The following SLC14A2 variants were observed in gnomAD, a reference collection of about 807,000 sequenced individuals.
The protein encoded by SLC14A2 is solute carrier family 14 member 2.
A neutral mutation model predicts 104.6 loss-of-function variants in SLC14A2; 91 were observed. The ratio of observed to expected loss-of-function variants is 0.87; its 90% CI spans 0.73 to 1.04. SLC14A2 has a LOEUF of 1.04. Among genes scored for constraint, SLC14A2 ranks in the 50% least tolerant of loss-of-function variants. SLC14A2 has a pLI of 0.00. For synonymous variants in SLC14A2, 476 were observed against 466.4 expected (o/e 1.02, Z -0.27); for missense variants, 1,189 against 1,156.0 (o/e 1.03, Z -0.41).
chr18:45,347,727 G>A (rs780010521), intron 1 of SLC14A2, among the ~76,000 whole-genome samples: 5 of 151,840 alleles, frequency 3.3e-5, no homozygotes, highest in Non-Finnish European at 7.4e-5. Flanking sequence ...CTTTTTCTTT[G>A]ATCTCCCTTT....
At chr18:45,381,416 T>C (rs540186290) in intron 1 of SLC14A2, among the ~76,000 whole-genome samples, 1 of 152,366 alleles carries the variant, frequency 6.6e-6, no homozygotes, top group African/African-American at 2.4e-5. Flanking sequence ...GGACGACCTC[T>C]TGAACTTATT....
chr18:45,432,043 A>G (rs1424941840), intron 1 of SLC14A2, among the ~76,000 whole-genome samples: 3 of 152,194 alleles, frequency 2.0e-5, no homozygotes, highest in Admixed American at 6.5e-5. Context: ...AACTGAGCGC[A>G]GGGCTTCACT....
chr18:45,502,022 G>A (rs2043206696), intron 2 of SLC14A2, among the ~76,000 whole-genome samples: 1 of 152,188 alleles, frequency 6.6e-6, no homozygotes, highest in Admixed American at 6.5e-5. Context: ...ACAGGGCTTA[G>A]AGGAGCATAG....
intron 1 of SLC14A2, among the ~76,000 whole-genome samples, chr18:45,237,439 C>A (rs748500197): frequency 6.6e-6 from 1 of 152,186 alleles, no homozygotes; most frequent in Non-Finnish European, 1.5e-5. Flanking sequence ...AGCACTCAGC[C>A]TTCCTTTCCA....
intron 6 of SLC14A2, among the ~76,000 whole-genome samples, chr18:45,638,818 G>T (rs1168959643): frequency 1.3e-5 from 2 of 152,204 alleles, no homozygotes; most frequent in African/African-American, 4.8e-5. Context: ...TACAGACGAG[G>T]ATGTGACATG....
At chr18:45,656,681 T>C (rs16978437) in intron 10 of SLC14A2, among the ~76,000 whole-genome samples, 5,289 of 152,266 alleles carry the variant, frequency 0.035, 278 homozygotes, top group African/African-American at 0.12. Flanking sequence ...CTCTGACCTT[T>C]GTACTCTCTT....
intron 2 of SLC14A2, among the ~76,000 whole-genome samples, chr18:45,519,486 C>CCCATGCCCA (rs1385117752): frequency 6.6e-6 from 1 of 152,172 alleles, no homozygotes; most frequent in African/African-American, 2.4e-5. Flanking sequence ...CTTCAGCACC[C>CCCATGCCCA]CCATGCCCAT....
At chr18:45,594,882 G>A (rs1037989325) in intron 2 of SLC14A2, among the ~76,000 whole-genome samples, 16 of 152,076 alleles carry the variant, frequency 1.1e-4, no homozygotes, top group Non-Finnish European at 2.1e-4. Context: ...CACCCTGGTC[G>A]GAACAGAATC....
chr18:45,346,813 T>C (rs2085452685), intron 1 of SLC14A2, among the ~76,000 whole-genome samples: 1 of 151,858 alleles, frequency 6.6e-6, no homozygotes, highest in Admixed American at 6.6e-5. Context: ...AACACAACAG[T>C]TAGCCTGGCG....
intron 2 of SLC14A2, among the ~76,000 whole-genome samples, chr18:45,546,782 A>T (rs2043976877): frequency 6.6e-6 from 1 of 152,174 alleles, no homozygotes; most frequent in Non-Finnish European, 1.5e-5. Flanking sequence ...ATGCAGAAAA[A>T]AATATATATA....
chr18:45,672,665 A>G (rs1349186721), intron 16 of SLC14A2, among the ~76,000 whole-genome samples: 1 of 152,208 alleles, frequency 6.6e-6, no homozygotes. Context: ...CCTCACGCTC[A>G]TATTTCTAAA....
Position 45,678,442 on chromosome 18 carries a change from T to A in SLC14A2, c.2513-533T>A, listed in dbSNP as rs530387803. Among the ~76,000 whole-genome samples the A allele has an allele frequency of 3.3e-5, 5 of 152,268 alleles. No individual in the cohort carries two copies. The South Asian group carries it at 1.0e-3, about 32-fold the overall frequency. On this transcript the variant is annotated intron_variant, in intron 18 of 19. Coordinates refer to ENST00000255226, the MANE Select transcript of SLC14A2 (RefSeq NM_007163.4). ...GCAAAGGCCAATTACACTAGTACAT[T>A]TTAATAGCTTCTCCCCTGTTGCCAG... is the stretch of plus-strand genomic sequence containing the variant.
intron 2 of SLC14A2, among the ~76,000 whole-genome samples, chr18:45,502,198 A>G (rs1389859276): frequency 6.6e-6 from 1 of 152,188 alleles, no homozygotes; most frequent in Non-Finnish European, 1.5e-5. Context: ...ATATGGGAAG[A>G]TTAGGGGTGG....
At chr18:45,362,587 T>C (rs767314981) in intron 1 of SLC14A2, among the ~76,000 whole-genome samples, 3 of 152,202 alleles carry the variant, frequency 2.0e-5, no homozygotes, top group Non-Finnish European at 4.4e-5. Flanking sequence ...AGACTCATTC[T>C]CTTTGGGTCT....
intron 1 of SLC14A2, among the ~76,000 whole-genome samples, chr18:45,456,714 A>C (rs2086949508): frequency 6.6e-6 from 1 of 150,760 alleles, no homozygotes; most frequent in South Asian, 2.1e-4. Flanking sequence ...ATTAACCTTG[A>C]GAGAGTGGTG....
chr18:45,660,701 A>C (rs1480664806), intron 10 of SLC14A2, among the ~76,000 whole-genome samples: 1 of 152,196 alleles, frequency 6.6e-6, no homozygotes, highest in African/African-American at 2.4e-5. Context: ...TCTGGTTCCC[A>C]CCAGTGTTAC....
At chr18:45,639,295 C>G (rs2045477075) in intron 6 of SLC14A2, among the ~76,000 whole-genome samples, 1 of 152,198 alleles carries the variant, frequency 6.6e-6, no homozygotes, top group Non-Finnish European at 1.5e-5. Flanking sequence ...CTCTAGCCTG[C>G]ACTTGACCAA....
chr18:45,387,846 G>T (rs185673732), intron 1 of SLC14A2, among the ~76,000 whole-genome samples: 1 of 152,156 alleles, frequency 6.6e-6, no homozygotes, highest in Non-Finnish European at 1.5e-5. Flanking sequence ...GAAAATTGAG[G>T]CTATTTGTCA....
chr18:45,603,422 A>G (rs960044909), intron 2 of SLC14A2, among the ~76,000 whole-genome samples: 2 of 152,038 alleles, frequency 1.3e-5, no homozygotes, highest in African/African-American at 4.8e-5. Flanking sequence ...CTGAAAACTG[A>G]GAGTTCACTG....
Sources: gnomAD v4.1 joint callset for allele counts (sites outside exome capture counted in the v4.1 genomes callset) on GRCh38, gnomAD v4.1.1 for gene constraint, MANE v1.5 for transcripts, NCBI Gene and HGNC (gene_info 2026-07-23, HGNC 2026-07-21) for gene names.